DHRSX: variants seen among roughly 807,000 people sequenced by gnomAD.
DHRSX encodes the protein polyprenol dehydrogenase.
A neutral mutation model predicts 34.0 loss-of-function variants in DHRSX; 31 were observed. That is an observed-to-expected ratio of 0.91 (90% CI 0.69 to 1.23). The LOEUF (loss-of-function observed/expected upper bound fraction) is 1.23, where lower values mean the gene tolerates loss of function less well. DHRSX is among the 50% of genes most tolerant of loss of function. The probability of loss-of-function intolerance (pLI) is 0.00; values close to 1 mark genes in which losing one functional copy is unlikely to be tolerated. For missense variants in DHRSX, 414 were observed against 428.1 expected (o/e 0.97, Z 0.29); for synonymous variants, 201 against 183.8 (o/e 1.09, Z -0.76).
At chrX:2,221,525 C>T (rs1252706241) in intron 6 of DHRSX, among the ~76,000 whole-genome samples, 3 of 152,152 alleles carry the variant, frequency 2.0e-5, no homozygotes, top group Admixed American at 6.6e-5. Context: ...TATTTAATCA[C>T]GCACTCTTTA....
chrX:2,359,268 A>G (rs1333593975), intron 3 of DHRSX, among the ~76,000 whole-genome samples: 1 of 152,248 alleles, frequency 6.6e-6, no homozygotes, highest in East Asian at 1.9e-4. Flanking sequence ...CCAAAGGAAC[A>G]TCAATCATTC....
At chrX:2,439,723 G>A (rs2044040178) in intron 1 of DHRSX, among the ~76,000 whole-genome samples, 1 of 152,078 alleles carries the variant, frequency 6.6e-6, no homozygotes, top group Non-Finnish European at 1.5e-5. Context: ...TACGGAGCAC[G>A]CCACCTAGGT....
chrX:2,452,617 G>A (rs1423589135), intron 1 of DHRSX, among the ~76,000 whole-genome samples: 1 of 152,012 alleles, frequency 6.6e-6, no homozygotes, highest in East Asian at 1.9e-4. Flanking sequence ...CACTGATGAC[G>A]TTCCCTACGC....
At chrX:2,411,006 T>C (rs1047509062) in intron 2 of DHRSX, among the ~76,000 whole-genome samples, 3 of 152,120 alleles carry the variant, frequency 2.0e-5, no homozygotes, top group Admixed American at 6.6e-5. Flanking sequence ...GCAGCAGGCA[T>C]TTCAGGGAGG....
At chrX:2,461,173 G>C (rs142778875) in intron 1 of DHRSX, among the ~76,000 whole-genome samples, 1 of 152,102 alleles carries the variant, frequency 6.6e-6, no homozygotes, top group African/African-American at 2.4e-5. Context: ...ATTCTAGAAA[G>C]CCTGCAGTAA....
chrX:2,431,206 T>C (rs1234860457), intron 1 of DHRSX, among the ~76,000 whole-genome samples: 5 of 151,430 alleles, frequency 3.3e-5, no homozygotes, highest in Non-Finnish European at 7.4e-5. Context: ...GCGCCTGTAG[T>C]CCCAGCTACT....
intron 3 of DHRSX, among the ~76,000 whole-genome samples, chrX:2,385,492 T>C (rs2043261160): frequency 6.6e-6 from 1 of 152,150 alleles, no homozygotes; most frequent in Non-Finnish European, 1.5e-5. Flanking sequence ...CTCAGGGTGC[T>C]GGCAGCCAGA....
intron 3 of DHRSX, among the ~76,000 whole-genome samples, chrX:2,300,753 C>T (rs1213585949): frequency 6.6e-6 from 1 of 152,120 alleles, no homozygotes; most frequent in Non-Finnish European, 1.5e-5. Context: ...TGAGTTAATA[C>T]TGAATAAACC....
chrX:2,239,697 A>G (rs2016096306), intron 6 of DHRSX, among the ~76,000 whole-genome samples: 2 of 152,130 alleles, frequency 1.3e-5, no homozygotes, highest in East Asian at 1.9e-4. Flanking sequence ...TGAACCTGGG[A>G]GGCGGAGCTT....
At chrX:2,240,059 G>A (rs1211199918) in intron 6 of DHRSX, among the ~76,000 whole-genome samples, 5 of 151,928 alleles carry the variant, frequency 3.3e-5, no homozygotes, top group African/African-American at 7.2e-5. Context: ...TAGGAAGGCC[G>A]AGGTGGGCGG....
chrX:2,310,806 A>G (rs1222682204), intron 3 of DHRSX, among the ~76,000 whole-genome samples: 1 of 151,964 alleles, frequency 6.6e-6, no homozygotes, highest in Admixed American at 6.6e-5. Flanking sequence ...CACACCTGTA[A>G]TCCCAATAGT....
intron 3 of DHRSX, among the ~76,000 whole-genome samples, chrX:2,335,450 GGTGTGT>G (rs111917194): frequency 1.3e-5 from 2 of 149,508 alleles, no homozygotes; most frequent in South Asian, 2.1e-4. Flanking sequence ...ATTTTTTTGG[GGTGTGT>G]GTGTGTGTGT....
chrX:2,312,633 T>C (rs1780342937), intron 3 of DHRSX, among the ~76,000 whole-genome samples: 1 of 152,020 alleles, frequency 6.6e-6, no homozygotes, highest in African/African-American at 2.4e-5. Context: ...AGATGATGGA[T>C]GGCAGCAAAC....
intron 4 of DHRSX, among the ~76,000 whole-genome samples, chrX:2,282,498 GAGAT>G (rs1159230037): frequency 2.5e-4 from 35 of 137,754 alleles, no homozygotes; most frequent in South Asian, 7.3e-4. Flanking sequence ...GAAGACAAAG[GAGAT>G]AGAGAGACAA....
At chrX:2,376,888 G>C (rs1486273244) in intron 3 of DHRSX, among the ~76,000 whole-genome samples, 2 of 152,018 alleles carry the variant, frequency 1.3e-5, no homozygotes, top group African/African-American at 4.8e-5. Context: ...CAGCTACTCA[G>C]GAGGCTAAGG....
intron 3 of DHRSX, among the ~76,000 whole-genome samples, chrX:2,379,350 T>C (rs7053044): frequency 0.31 from 47,018 of 151,982 alleles, 7,494 homozygotes; most frequent in Non-Finnish European, 0.36. Context: ...ACTGTGCCAA[T>C]GACGTCTGAT....
intron 1 of DHRSX, among the ~76,000 whole-genome samples, chrX:2,477,023 A>G (rs1242502456): frequency 6.6e-6 from 1 of 152,112 alleles, no homozygotes; most frequent in African/African-American, 2.4e-5. Flanking sequence ...AAACAAACAA[A>G]AAAACACCAC....
chrX:2,241,392 C>T (rs1432448016), intron 6 of DHRSX, among the ~76,000 whole-genome samples: 2 of 152,156 alleles, frequency 1.3e-5, no homozygotes, highest in Non-Finnish European at 2.9e-5. Context: ...CCTCCTGCTT[C>T]CTCTGTGTCT....
At chrX:2,474,677 A>C (rs2044647230) in intron 1 of DHRSX, among the ~76,000 whole-genome samples, 1 of 151,688 alleles carries the variant, frequency 6.6e-6, no homozygotes, top group Admixed American at 6.6e-5. Flanking sequence ...CTGTGCACAC[A>C]CTGAAGATGT....
Sources: gnomAD v4.1 joint callset for allele counts (sites outside exome capture counted in the v4.1 genomes callset) on GRCh38, gnomAD v4.1.1 for gene constraint, MANE v1.5 for transcripts, NCBI Gene and HGNC (gene_info 2026-07-23, HGNC 2026-07-21) for gene names.